The following NR2C1 variants were observed in gnomAD, a reference collection of about 807,000 sequenced individuals.
The protein encoded by NR2C1 is TR2 nuclear hormone receptor.
A neutral mutation model predicts 74.8 loss-of-function variants in NR2C1; 33 were observed. That is an observed-to-expected ratio of 0.44 (90% CI 0.33 to 0.59). The LOEUF is 0.59. Among genes scored for constraint, NR2C1 ranks in the 20% least tolerant of loss-of-function variants. The pLI is 0.02. For missense variants in NR2C1, 568 were observed against 715.6 expected (o/e 0.79, Z 2.35); for synonymous variants, 225 against 240.6 (o/e 0.94, Z 0.60).
Position 95,060,040 on chromosome 12 carries a change from C to T in NR2C1, c.286-56G>A, listed in dbSNP as rs1254977401. 5.4e-6 allele frequency: 7 copies of T among 1,305,100 alleles called. No homozygotes were observed. In the African/African-American group the frequency reaches 7.7e-5, roughly 14 times the overall value. The allele number at this position is 1,305,100 out of a possible 1,614,324, so 80.8% of individuals were successfully genotyped here. ...AAAACGAAAACCTGTTGTTACTCAACAGCACTCATTCTATTAAAAAAATTA... is the reference window on the plus strand; with the variant it reads ...AAAACGAAAACCTGTTGTTACTCAATAGCACTCATTCTATTAAAAAAATTA... On this transcript the variant is annotated intron_variant, in intron 3 of 13. Transcript: ENST00000333003.
Position 95,022,243 on chromosome 12 carries a change from C to G in NR2C1, c.1798G>C (p.Gly600Arg). The G allele has an allele frequency of 6.2e-7, 1 of 1,609,222 alleles. No individual in the cohort carries two copies. The highest frequency in any genetic ancestry group is 8.5e-7 in the Non-Finnish European group (1 of 1,178,804). The change falls in exon 14 of 14, where the codon GGT becomes CGT. Residue 600 changes from glycine (G) to arginine (R), a missense_variant. Gly to Arg is a moderately radical substitution (Grantham distance 125). Around this residue, in one of 6 missense-constraint regions of NR2C1, gnomAD observed 117 missense variants for 186.7 expected, o/e 0.63. Transcript: ENST00000333003. The part of the protein sequence containing the change: ...EPADYNSQII[G>R]HSI ...AGTCACAGTTTTCAAATGCTGTGAC[C>G]AATTATTTGAGAGTTATAATCTGCA...
chr12:95,051,060 A>G (rs953392277), intron 8 of NR2C1, among the ~76,000 whole-genome samples: 2 of 152,216 alleles, frequency 1.3e-5, no homozygotes, highest in African/African-American at 4.8e-5. Flanking sequence ...GTCATTTAGA[A>G]TATAACCTTT....
In NR2C1 at chr12:95,021,483, C is replaced by T. The variant is rs541564127; in HGVS notation, c.*746G>A. 7 of 151,872 alleles carry T rather than the reference C, an allele frequency of 4.6e-5. No homozygotes were observed. The highest frequency in any genetic ancestry group is 2.0e-4 in the East Asian group (1 of 5,114). 9.4% of individuals were successfully genotyped at this position (151,872 alleles called of 1,614,324 possible). On this transcript the variant is annotated 3_prime_UTR_variant, in exon 14 of 14. Coordinates refer to ENST00000333003, the MANE Select transcript of NR2C1 (RefSeq NM_003297.4). Reference sequence around the variant, plus strand: ...CAACAGTGAAACCCACCTCTATAAACGAAAACAAAAACAAAAACACGAGCA... The same window carrying T: ...CAACAGTGAAACCCACCTCTATAAATGAAAACAAAAACAAAAACACGAGCA...
At chr12:95,030,790 C>A in intron 11 of NR2C1, 1 of 1,613,022 alleles carries the variant, frequency 6.2e-7, no homozygotes, top group South Asian at 1.1e-5. Flanking sequence ...TTTGGGTAGT[C>A]ATAAGCCATT....
chr12:95,033,904 A>G (rs985327514), intron 10 of NR2C1, among the ~76,000 whole-genome samples: 6 of 152,138 alleles, frequency 3.9e-5, no homozygotes, highest in Admixed American at 6.5e-5. Flanking sequence ...TTTAAACCAA[A>G]CCTACAGACT....
At chr12:95,036,896 T>G (rs1870915944) in intron 10 of NR2C1, among the ~76,000 whole-genome samples, 1 of 152,204 alleles carries the variant, frequency 6.6e-6, no homozygotes, top group Non-Finnish European at 1.5e-5. Flanking sequence ...AATATAACTT[T>G]TGAGCCCCTC....
chr12:95,026,478 CTCTGT>C (rs1455555057), intron 12 of NR2C1, among the ~76,000 whole-genome samples: 1 of 152,070 alleles, frequency 6.6e-6, no homozygotes. Context: ...ATATGGAAAG[CTCTGT>C]TCTCATGGAT....
At chr12:95,068,607 C>T (rs1876091430) in intron 1 of NR2C1, among the ~76,000 whole-genome samples, 1 of 152,042 alleles carries the variant, frequency 6.6e-6, no homozygotes, top group Non-Finnish European at 1.5e-5. Context: ...CTAGCCTGGC[C>T]AACATGGTGA....
At chr12:95,058,041 G>C (rs1255114000) in intron 5 of NR2C1, 163 bp from the exon 6 acceptor site, 3 of 752,456 alleles carry the variant, frequency 4.0e-6, no homozygotes, top group Admixed American at 6.1e-5. Flanking sequence ...GTTCAACAAA[G>C]TTGCTTTAGA....
intron 9 of NR2C1, 36 bp from the exon 10 acceptor site, chr12:95,040,633 G>C: frequency 6.4e-7 from 1 of 1,552,392 alleles, no homozygotes; most frequent in Non-Finnish European, 8.8e-7. Flanking sequence ...ATTATCTTAT[G>C]ACTGAAAAGT....
chr12:95,064,653 G>T (rs1274509992), intron 2 of NR2C1, among the ~76,000 whole-genome samples: 1 of 152,122 alleles, frequency 6.6e-6, no homozygotes, highest in African/African-American at 2.4e-5. Flanking sequence ...ATCTGGGGGG[G>T]AGGAACAAGT....
chr12:95,044,198 G>A (rs1331843968), intron 9 of NR2C1, among the ~76,000 whole-genome samples: 1 of 151,954 alleles, frequency 6.6e-6, no homozygotes, highest in Non-Finnish European at 1.5e-5. Context: ...TGTTTTAGAA[G>A]TTATTAGTTG....
chr12:95,049,014 T>G (rs533094642), intron 9 of NR2C1, 54 bp downstream of exon 9: 56 of 1,448,884 alleles, frequency 3.9e-5, no homozygotes, highest in Non-Finnish European at 5.4e-5. Flanking sequence ...TTTTGAAAGG[T>G]AGATCAAAAT....
At chr12:95,036,569 G>A (rs1449562405) in intron 10 of NR2C1, among the ~76,000 whole-genome samples, 2 of 149,898 alleles carry the variant, frequency 1.3e-5, no homozygotes, top group Non-Finnish European at 3.0e-5. Context: ...GGAGTACAGT[G>A]GCATGATCTC....
chr12:95,036,673 G>A (rs1767575282), intron 10 of NR2C1, among the ~76,000 whole-genome samples: 1 of 151,976 alleles, frequency 6.6e-6, no homozygotes, highest in South Asian at 2.1e-4. Flanking sequence ...ACCATGCCTG[G>A]CTAACTTTTG....
At chr12:95,040,408 A>T in intron 10 of NR2C1, 68 bp downstream of exon 10, 1 of 1,474,260 alleles carries the variant, frequency 6.8e-7, no homozygotes, top group Non-Finnish European at 9.2e-7. Context: ...TCCCAAAATA[A>T]AAAGTTTTGT....
chr12:95,057,960 C>T (rs966511690), intron 5 of NR2C1, 82 bp from the exon 6 acceptor site: 65 of 1,167,374 alleles, frequency 5.6e-5, no homozygotes, highest in Non-Finnish European at 7.9e-5. Context: ...AAGCTTAATG[C>T]TGCTAATAGG....
At position 95,020,344 on chromosome 12, in the gene NR2C1, T is replaced by A. The variant is rs1868663884; in HGVS notation, c.*1885A>T. 1 of 152,136 alleles carries A rather than the reference T, an allele frequency of 6.6e-6. No individual in the cohort carries two copies. The highest frequency in any genetic ancestry group is 1.5e-5 in the Non-Finnish European group (1 of 68,016). 9.4% of individuals were successfully genotyped at this position (152,136 alleles called of 1,614,324 possible). A position where few individuals can be genotyped will look rare whatever the true frequency, so the allele number is the denominator to read the frequency against. ...CTTCCAAATATAGTAGCAAATTTAA[T>A]CAGAAAAAACACCTGAAACATCTTA... On this transcript the variant is annotated 3_prime_UTR_variant, in exon 14 of 14. Transcript: ENST00000333003.
chr12:95,040,350 C>A, intron 10 of NR2C1, 126 bp downstream of exon 10: 1 of 823,580 alleles, frequency 1.2e-6, no homozygotes, highest in East Asian at 2.9e-5. Context: ...TTGAATGACA[C>A]AACTTAAAGC....
Sources: gnomAD v4.1 joint callset for allele counts (sites outside exome capture counted in the v4.1 genomes callset) on GRCh38, gnomAD v4.1.1 for gene constraint, gnomAD v4.1.1 regional missense constraint, MANE v1.5 for transcripts, NCBI Gene and HGNC (gene_info 2026-07-23, HGNC 2026-07-21) for gene names.